Variants in RBMS3 observed in about 807,000 individuals in gnomAD.
The protein encoded by RBMS3 is RNA binding motif single stranded interacting protein 3.
Under a neutral mutation model 66.8 loss-of-function variants are expected in RBMS3, and 27 were observed. That is an observed-to-expected ratio of 0.40 (90% CI 0.30 to 0.56). RBMS3 has a LOEUF of 0.56. RBMS3 is among the 20% of genes least tolerant of loss of function. The pLI is 0.40. For missense variants in RBMS3, 513 were observed against 549.5 expected (o/e 0.93, Z 0.66); for synonymous variants, 188 against 183.0 (o/e 1.03, Z -0.22).
chr3:29,317,360 T>C (rs1442340248), intron 1 of RBMS3, among the ~76,000 whole-genome samples: 1 of 151,824 alleles, frequency 6.6e-6, no homozygotes. Context: ...CAGTAGCATA[T>C]TGAGTTTTGT....
At chr3:29,882,324 A>C (rs1248889280) in intron 7 of RBMS3, among the ~76,000 whole-genome samples, 1 of 152,158 alleles carries the variant, frequency 6.6e-6, no homozygotes, top group Non-Finnish European at 1.5e-5. Flanking sequence ...TGGCAAAAAA[A>C]CAAAAACCTT....
chr3:29,821,893 C>A (rs12330790), intron 6 of RBMS3, among the ~76,000 whole-genome samples: 113 of 152,170 alleles, frequency 7.4e-4, no homozygotes, highest in African/African-American at 2.6e-3. Flanking sequence ...TTTTTTCTTT[C>A]TGTCATTAGA....
intron 6 of RBMS3, among the ~76,000 whole-genome samples, chr3:29,796,781 C>T (rs375746091): frequency 1.7e-4 from 24 of 139,306 alleles, no homozygotes; most frequent in East Asian, 1.3e-3. Flanking sequence ...GGCATGATCT[C>T]AGCTCACTGC....
At chr3:29,420,843 G>A (rs150862294) in intron 1 of RBMS3, among the ~76,000 whole-genome samples, 2,952 of 151,668 alleles carry the variant, frequency 0.019, 99 homozygotes, top group African/African-American at 0.067. Context: ...GGTGGCTCAC[G>A]CCTGTAATCC....
intron 1 of RBMS3, among the ~76,000 whole-genome samples, chr3:29,317,422 A>T (rs1413843252): frequency 2.6e-5 from 4 of 151,834 alleles, no homozygotes; most frequent in Admixed American, 6.6e-5. Context: ...AGCTTTAAAT[A>T]ATCTGTAGAT....
chr3:29,918,707 A>C (rs2060698385), intron 10 of RBMS3, among the ~76,000 whole-genome samples: 2 of 152,146 alleles, frequency 1.3e-5, no homozygotes, highest in Admixed American at 1.3e-4. Flanking sequence ...ATTCTATGTA[A>C]GTATCTAAAA....
chr3:29,462,265 A>T (rs2042398157), intron 2 of RBMS3, among the ~76,000 whole-genome samples: 1 of 152,200 alleles, frequency 6.6e-6, no homozygotes, highest in African/African-American at 2.4e-5. Context: ...TGTCGTTATC[A>T]TCAACTTCAG....
At position 29,317,074 on chromosome 3, in the gene RBMS3, TA is replaced by T. The variant is rs2125480854; in HGVS notation, c.75+35322del. Among the ~76,000 whole-genome samples, 2 of 151,840 alleles carry T rather than the reference TA, an allele frequency of 1.3e-5. 1 individual carries two copies. The highest frequency in any genetic ancestry group is 4.8e-5 in the African/African-American group (2 of 41,494). On this transcript the variant is annotated intron_variant, in intron 1 of 14. Transcript: ENST00000383767. Reference sequence around the variant, plus strand: ...TCTTTTGTCAAAACGTTTTTAGGGATAAAAGGAGTGTAGTAAAAACTCAGTC... The same window carrying T: ...TCTTTTGTCAAAACGTTTTTAGGGATAAAGGAGTGTAGTAAAAACTCAGTC...
At chr3:29,450,231 T>C (rs1667057114) in intron 2 of RBMS3, among the ~76,000 whole-genome samples, 2 of 152,072 alleles carry the variant, frequency 1.3e-5, no homozygotes. Flanking sequence ...TCAGGGAAAA[T>C]GTGAGCAAGG....
At chr3:29,974,375 G>A (rs1194244925) in intron 12 of RBMS3, among the ~76,000 whole-genome samples, 2 of 151,836 alleles carry the variant, frequency 1.3e-5, no homozygotes, top group Non-Finnish European at 2.9e-5. Flanking sequence ...CCTTTTGAAT[G>A]AATAAATTGC....
intron 2 of RBMS3, among the ~76,000 whole-genome samples, chr3:29,451,957 G>A (rs1438372125): frequency 1.3e-5 from 2 of 152,134 alleles, no homozygotes; most frequent in African/African-American, 2.4e-5. Flanking sequence ...CCTGAAAAGA[G>A]GAGGAAAAAT....
At chr3:29,865,659 C>T (rs1313178771) in intron 6 of RBMS3, among the ~76,000 whole-genome samples, 1 of 152,126 alleles carries the variant, frequency 6.6e-6, no homozygotes, top group Non-Finnish European at 1.5e-5. Flanking sequence ...TGAAAACATG[C>T]TCCTCACCTA....
intron 12 of RBMS3, among the ~76,000 whole-genome samples, chr3:29,945,049 A>AT (rs1377570786): frequency 3.3e-5 from 5 of 151,760 alleles, no homozygotes; most frequent in Non-Finnish European, 7.4e-5. Context: ...AATGGGCACA[A>AT]TTTTTTATTT....
chr3:29,663,068 TTTGG>T (rs1007619991), intron 4 of RBMS3, among the ~76,000 whole-genome samples: 12 of 152,284 alleles, frequency 7.9e-5, no homozygotes, highest in Non-Finnish European at 1.6e-4. Flanking sequence ...TGTTTGTTTG[TTTGG>T]TTGGTTGGTT....
intron 4 of RBMS3, among the ~76,000 whole-genome samples, chr3:29,704,700 T>C (rs2052792442): frequency 6.6e-6 from 1 of 152,248 alleles, no homozygotes. Context: ...TATTTTTAAA[T>C]GTTGATACTA....
At chr3:29,785,749 A>G (rs1373588265) in intron 6 of RBMS3, among the ~76,000 whole-genome samples, 1 of 152,094 alleles carries the variant, frequency 6.6e-6, no homozygotes, top group Non-Finnish European at 1.5e-5. Context: ...CTGAACAGAG[A>G]AAAGTTGAAA....
intron 4 of RBMS3, among the ~76,000 whole-genome samples, chr3:29,666,612 A>T (rs2050770493): frequency 1.6e-5 from 2 of 125,042 alleles, no homozygotes; most frequent in East Asian, 4.7e-4. Flanking sequence ...TACATAATCA[A>T]ATATACGATT....
intron 4 of RBMS3, among the ~76,000 whole-genome samples, chr3:29,688,629 C>A (rs985220055): frequency 1.8e-5 from 2 of 113,108 alleles, no homozygotes; most frequent in Non-Finnish European, 3.3e-5. Context: ...TGTCACCAGG[C>A]TGGAGTGCAA....
intron 1 of RBMS3, among the ~76,000 whole-genome samples, chr3:29,423,506 A>C (rs1303369283): frequency 6.6e-6 from 1 of 152,210 alleles, no homozygotes; most frequent in Non-Finnish European, 1.5e-5. Context: ...AAAGGAGATT[A>C]ATTACATTTT....
Sources: gnomAD v4.1 joint callset for allele counts (sites outside exome capture counted in the v4.1 genomes callset) on GRCh38, gnomAD v4.1.1 for gene constraint, MANE v1.5 for transcripts, NCBI Gene and HGNC (gene_info 2026-07-23, HGNC 2026-07-21) for gene names.